The following GRIP1 variants were observed in gnomAD, a reference collection of about 807,000 sequenced individuals.
The protein encoded by GRIP1 is glutamate receptor-interacting protein 1.
In GRIP1, 45 loss-of-function variants were observed where a neutral mutation model predicts 129.9. The ratio of observed to expected loss-of-function variants is 0.35; its 90% CI spans 0.27 to 0.44. The LOEUF (loss-of-function observed/expected upper bound fraction) is 0.44. Among genes scored for constraint, GRIP1 ranks in the 20% least tolerant of loss-of-function variants. GRIP1 has a pLI of 1.00. For synonymous variants in GRIP1, 530 were observed against 520.8 expected (o/e 1.02, Z -0.24); for missense variants, 1,196 against 1,396.8 (o/e 0.86, Z 2.29).
rs1460816190 is a variant in GRIP1 at position 66,643,989 on chromosome 12, TC to T, written c.55+34860del. The stretch of plus-strand genomic sequence containing the variant: ...AAAAGATGTTTAATTGGACTTACGG[TC>T]CCATATGGCTGGGGAGGCCTTAGAA... On this transcript the variant is annotated intron_variant, in intron 1 of 24. Transcript: ENST00000359742. Among the ~76,000 whole-genome samples, 7 of 152,124 alleles carry T rather than the reference TC, an allele frequency of 4.6e-5. No homozygotes were observed. The South Asian group carries it at 8.3e-4, about 18-fold the overall frequency.
chr12:66,596,706 T>C, intron 2 of GRIP1, 141 bp downstream of exon 2: 1 of 672,328 alleles, frequency 1.5e-6, no homozygotes, highest in Non-Finnish European at 2.7e-6. Context: ...GAACAAGTGT[T>C]GTAGAATTCA....
intron 5 of GRIP1, among the ~76,000 whole-genome samples, chr12:66,524,531 GTGTA>G (rs1363140431): frequency 5.9e-5 from 9 of 152,012 alleles, no homozygotes; most frequent in Non-Finnish European, 1.3e-4. Flanking sequence ...TCAAAGCAGT[GTGTA>G]GAGGGAAATT....
chr12:66,411,053 A>G (rs1294131083), intron 15 of GRIP1, among the ~76,000 whole-genome samples: 1 of 151,978 alleles, frequency 6.6e-6, no homozygotes, highest in African/African-American at 2.4e-5. Context: ...TGTTCAGTTG[A>G]CTTAGCCTTT....
At chr12:66,595,242 A>G (rs1306591593) in intron 2 of GRIP1, among the ~76,000 whole-genome samples, 1 of 152,236 alleles carries the variant, frequency 6.6e-6, no homozygotes, top group Non-Finnish European at 1.5e-5. Flanking sequence ...AACAAAATTC[A>G]TGATGAAAAA....
intron 1 of GRIP1, among the ~76,000 whole-genome samples, chr12:66,874,932 TG>T (rs61605888): frequency 0.088 from 13,449 of 152,108 alleles, 762 homozygotes; most frequent in East Asian, 0.26. Flanking sequence ...TAGCAGCCTT[TG>T]TACATTCTAA....
At chr12:66,946,813 G>A (rs1014218630) in intron 1 of GRIP1, among the ~76,000 whole-genome samples, 6 of 145,662 alleles carry the variant, frequency 4.1e-5, no homozygotes, top group Admixed American at 1.4e-4. Context: ...TGGGGGGGGC[G>A]GCATGGATCA....
chr12:66,446,947 T>C (rs1408218162), intron 11 of GRIP1, among the ~76,000 whole-genome samples: 1 of 152,242 alleles, frequency 6.6e-6, no homozygotes, highest in East Asian at 1.9e-4. Flanking sequence ...GTCTCCTCTT[T>C]ATGACTTTCA....
chr12:66,881,800 A>G (rs551391005), intron 1 of GRIP1, among the ~76,000 whole-genome samples: 1 of 152,308 alleles, frequency 6.6e-6, no homozygotes, highest in South Asian at 2.1e-4. Context: ...AAAGACACAT[A>G]AAAAGAAAAA....
intron 1 of GRIP1, among the ~76,000 whole-genome samples, chr12:66,937,879 A>G (rs986242848): frequency 6.6e-6 from 1 of 152,206 alleles, no homozygotes; most frequent in African/African-American, 2.4e-5. Flanking sequence ...GCTCTGAAAT[A>G]TTGAGAAATT....
At chr12:66,595,864 A>T (rs1309504944) in intron 2 of GRIP1, among the ~76,000 whole-genome samples, 1 of 152,208 alleles carries the variant, frequency 6.6e-6, no homozygotes, top group East Asian at 1.9e-4. Context: ...AAAATAAAGA[A>T]TAATCATGAA....
intron 1 of GRIP1, among the ~76,000 whole-genome samples, chr12:67,044,787 T>C (rs946164197): frequency 5.3e-5 from 8 of 152,190 alleles, no homozygotes; most frequent in African/African-American, 1.7e-4. Flanking sequence ...GTACAAAATA[T>C]ATGCTCTGGG....
At chr12:67,063,994 G>A (rs1206359046) in intron 1 of GRIP1, among the ~76,000 whole-genome samples, 1 of 152,054 alleles carries the variant, frequency 6.6e-6, no homozygotes, top group Non-Finnish European at 1.5e-5. Context: ...GTTAATGCTT[G>A]CCTTCATGGC....
intron 15 of GRIP1, among the ~76,000 whole-genome samples, chr12:66,412,744 C>T (rs2057447143): frequency 6.6e-6 from 1 of 152,170 alleles, no homozygotes; most frequent in South Asian, 2.1e-4. Context: ...AGAGACCTAT[C>T]TCACATGCAG....
chr12:67,040,668 G>T (rs1918136), intron 1 of GRIP1, among the ~76,000 whole-genome samples: 36,155 of 152,024 alleles, frequency 0.24, 4,842 homozygotes, highest in Non-Finnish European at 0.29. Flanking sequence ...GGTTTCCTCA[G>T]CTGGGGAATG....
In GRIP1 at chr12:66,725,591, T is replaced by C. The variant is rs536573603; in HGVS notation, c.-420+78462A>G. 2.6e-5 allele frequency among the ~76,000 whole-genome samples: 4 copies of C among 152,290 alleles called. No homozygotes were observed. The East Asian group carries it at 5.8e-4, about 22-fold the overall frequency. On this transcript the variant is annotated intron_variant, in intron 1 of 4. Transcript: ENST00000538373. ...AATCATTAAATCACGTGTGTGTGTATGTACATGTGAAAATTCACAGAATCA... is the reference window on the plus strand; with the variant it reads ...AATCATTAAATCACGTGTGTGTGTACGTACATGTGAAAATTCACAGAATCA...
chr12:66,882,982 T>A (rs2137198838), intron 1 of GRIP1, among the ~76,000 whole-genome samples: 1 of 152,186 alleles, frequency 6.6e-6, no homozygotes, highest in South Asian at 2.1e-4. Flanking sequence ...ACAAGCAAAG[T>A]AAGAAACAAA....
intron 19 of GRIP1, among the ~76,000 whole-genome samples, chr12:66,390,186 T>C (rs1174631351): frequency 2.0e-5 from 3 of 152,206 alleles, no homozygotes; most frequent in East Asian, 3.8e-4. Flanking sequence ...AGGCAGGACC[T>C]GGCACCAAGG....
At chr12:66,578,694 G>A (rs1376945822) in intron 2 of GRIP1, among the ~76,000 whole-genome samples, 4 of 152,118 alleles carry the variant, frequency 2.6e-5, no homozygotes, top group Admixed American at 6.5e-5. Context: ...AGGTGGCAGC[G>A]AGGCTGGGGG....
chr12:66,700,212 A>C (rs2035302574), intron 1 of GRIP1, among the ~76,000 whole-genome samples: 1 of 152,162 alleles, frequency 6.6e-6, no homozygotes. Context: ...AGGCAGAGGG[A>C]AAAGCATCAG....
Sources: allele counts gnomAD v4.1 joint callset (sites outside exome capture counted in the v4.1 genomes callset), GRCh38; gene constraint gnomAD v4.1.1; transcripts MANE v1.5; gene names NCBI Gene and HGNC (gene_info 2026-07-23, HGNC 2026-07-21).